The following ELOVL5 variants were observed in gnomAD, a reference collection of about 807,000 sequenced individuals.
ELOVL5 encodes the protein ELOVL fatty acid elongase 5.
In ELOVL5, 8 loss-of-function variants were observed where a neutral mutation model predicts 38.6. The observed-to-expected ratio is 0.21, with a 90% confidence interval of 0.12 to 0.37. The LOEUF (loss-of-function observed/expected upper bound fraction) is 0.37, where lower values mean the gene tolerates loss of function less well. Among genes scored for constraint, ELOVL5 ranks in the 10% least tolerant of loss-of-function variants. The probability of loss-of-function intolerance (pLI) is 1.00; values close to 1 mark genes in which losing one functional copy is unlikely to be tolerated. For synonymous variants in ELOVL5, 127 were observed against 133.7 expected (o/e 0.95, Z 0.34); for missense variants, 280 against 367.8 (o/e 0.76, Z 1.95).
chr6:53,305,274 G>A (rs1294234901), intron 1 of ELOVL5, among the ~76,000 whole-genome samples: 1 of 144,620 alleles, frequency 6.9e-6, no homozygotes, highest in Non-Finnish European at 1.5e-5. Context: ...CAGTAGGGGC[G>A]GCCGGGCAGA....
intron 6 of ELOVL5, among the ~76,000 whole-genome samples, chr6:53,272,647 G>A (rs1237937668): frequency 6.6e-6 from 1 of 152,174 alleles, no homozygotes; most frequent in African/African-American, 2.4e-5. Context: ...AATCAAGGAT[G>A]GTGAGAAGTA....
At chr6:53,294,251 T>A in intron 2 of ELOVL5, 1 of 1,536,170 alleles carries the variant, frequency 6.5e-7, no homozygotes, top group South Asian at 1.2e-5. Flanking sequence ...CTAGTCAATC[T>A]GTGGTGGTCC....
At chr6:53,343,542 C>T (rs1769415916) in intron 1 of ELOVL5, among the ~76,000 whole-genome samples, 1 of 152,092 alleles carries the variant, frequency 6.6e-6, no homozygotes, top group Non-Finnish European at 1.5e-5. Flanking sequence ...TCTAAATGAT[C>T]TCACTTTCAT....
At chr6:53,342,119 G>A (rs1168815506) in intron 1 of ELOVL5, among the ~76,000 whole-genome samples, 2 of 150,734 alleles carry the variant, frequency 1.3e-5, no homozygotes, top group Admixed American at 6.6e-5. Context: ...GCAGAAGTTC[G>A]GACAGAAGCA....
chr6:53,339,101 G>T (rs181491590), intron 1 of ELOVL5, among the ~76,000 whole-genome samples: 1 of 152,154 alleles, frequency 6.6e-6, no homozygotes, highest in Non-Finnish European at 1.5e-5. Context: ...TGAGGAGAGG[G>T]AGAAGCAAAG....
intron 1 of ELOVL5, among the ~76,000 whole-genome samples, chr6:53,326,206 C>T (rs1275561219): frequency 6.6e-6 from 1 of 152,198 alleles, no homozygotes; most frequent in Non-Finnish European, 1.5e-5. Context: ...TTCCTAGCTG[C>T]ACCACCAAGG....
At chr6:53,302,456 G>A (rs917578676) in intron 1 of ELOVL5, among the ~76,000 whole-genome samples, 7 of 152,150 alleles carry the variant, frequency 4.6e-5, no homozygotes, top group Non-Finnish European at 7.3e-5. Context: ...AGGTGGTTGG[G>A]GTTAATGAGG....
At chr6:53,342,693 G>A (rs1015827376) in intron 1 of ELOVL5, among the ~76,000 whole-genome samples, 5 of 152,106 alleles carry the variant, frequency 3.3e-5, no homozygotes, top group Admixed American at 2.6e-4. Context: ...GCCAGTATCA[G>A]CACTAAAAAT....
Position 53,273,263 on chromosome 6 carries a change from C to T in ELOVL5, c.578G>A (p.Arg193His), listed in dbSNP as rs367553728. 21 of 1,613,766 alleles carry T rather than the reference C, an allele frequency of 1.3e-5. No individual in the cohort carries two copies. In the East Asian group the frequency reaches 1.3e-4, roughly 10 times the overall value. Residue 193 changes from arginine (R) to histidine (H), a missense_variant, in exon 6 of 8, where the codon CGT (arginine) becomes CAT (histidine). Coordinates refer to ENST00000304434, the MANE Select transcript of ELOVL5 (RefSeq NM_021814.5). ...YYGLSSVPSMRPYLWWKKYIT... is the reference protein window; with the variant it reads ...YYGLSSVPSMHPYLWWKKYIT... Reference sequence around the variant, plus strand: ...GTACTTCTTCCACCAGAGGTATGGACGCATGGAAGGGACTGACGACAAACC... The same window carrying T: ...GTACTTCTTCCACCAGAGGTATGGATGCATGGAAGGGACTGACGACAAACC...
intron 3 of ELOVL5, among the ~76,000 whole-genome samples, chr6:53,282,973 C>T (rs529426916): frequency 6.6e-6 from 1 of 152,276 alleles, no homozygotes; most frequent in Non-Finnish European, 1.5e-5. Context: ...GCTTTCACAG[C>T]CCACAATTAC....
chr6:53,278,803 C>T (rs1325397207), intron 3 of ELOVL5, among the ~76,000 whole-genome samples: 1 of 152,218 alleles, frequency 6.6e-6, no homozygotes, highest in Non-Finnish European at 1.5e-5. Context: ...CACACTTCCA[C>T]TGGGGCCGCT....
intron 1 of ELOVL5, among the ~76,000 whole-genome samples, chr6:53,316,408 A>G (rs914903210): frequency 6.6e-6 from 1 of 152,162 alleles, no homozygotes; most frequent in Non-Finnish European, 1.5e-5. Context: ...GAAGCTCTGC[A>G]AAGAGAGTAA....
At chr6:53,309,757 G>A (rs545724047) in intron 1 of ELOVL5, among the ~76,000 whole-genome samples, 1 of 152,326 alleles carries the variant, frequency 6.6e-6, no homozygotes, top group South Asian at 2.1e-4. Context: ...GAAGCCAGCT[G>A]CTATGCTGCA....
At chr6:53,333,738 T>C (rs1455462843) in intron 1 of ELOVL5, among the ~76,000 whole-genome samples, 4 of 152,230 alleles carry the variant, frequency 2.6e-5, no homozygotes, top group African/African-American at 2.4e-5. Flanking sequence ...ATGATAATTA[T>C]AATTAAAGCA....
chr6:53,319,120 A>C (rs1000207137), intron 1 of ELOVL5, among the ~76,000 whole-genome samples: 2 of 151,886 alleles, frequency 1.3e-5, no homozygotes, highest in Admixed American at 6.6e-5. Flanking sequence ...AAATACAAAA[A>C]ATTAGCTGGG....
intron 2 of ELOVL5, chr6:53,294,111 C>T (rs1581941983): frequency 1.4e-6 from 2 of 1,395,124 alleles, no homozygotes; most frequent in African/African-American, 1.4e-5. Context: ...CTCTGATTTA[C>T]ACTTTGCTTT....
chr6:53,281,441 G>GT (rs1367895183), intron 3 of ELOVL5, among the ~76,000 whole-genome samples: 2 of 152,138 alleles, frequency 1.3e-5, no homozygotes, highest in Non-Finnish European at 2.9e-5. Context: ...CCAGGTCTTG[G>GT]TACCACTGGG....
At chr6:53,276,078 T>C in intron 4 of ELOVL5, 101 bp downstream of exon 4, 1 of 723,614 alleles carries the variant, frequency 1.4e-6, no homozygotes. Flanking sequence ...TCAACAGGGA[T>C]TGCCTGGGCA....
chr6:53,314,245 T>G (rs1442755729), intron 1 of ELOVL5, among the ~76,000 whole-genome samples: 4 of 152,232 alleles, frequency 2.6e-5, no homozygotes. Context: ...ATTTCAATTC[T>G]CTGCAAGTAC....
Sources: allele counts gnomAD v4.1 joint callset (sites outside exome capture counted in the v4.1 genomes callset), GRCh38; gene constraint gnomAD v4.1.1; transcripts MANE v1.5; gene names NCBI Gene and HGNC (gene_info 2026-07-23, HGNC 2026-07-21).